MYO3B: variants seen among roughly 807,000 people sequenced by gnomAD.
MYO3B encodes the protein myosin-IIIb.
MYO3B carries 156 observed loss-of-function variants against 174.6 expected under a neutral mutation model. That is an observed-to-expected ratio of 0.89 (90% CI 0.78 to 1.02). The LOEUF (loss-of-function observed/expected upper bound fraction) is 1.02, where lower values mean the gene tolerates loss of function less well. Among genes scored for constraint, MYO3B ranks in the 50% least tolerant of loss-of-function variants. The pLI is 0.00. For missense variants in MYO3B, 1,632 were observed against 1,639.4 expected, an observed-to-expected ratio of 1.00 and a Z score of 0.08; for synonymous variants, 563 against 569.1, an observed-to-expected ratio of 0.99 and a Z score of 0.15.
At chr2:170,274,351 C>T (rs775782953) in intron 7 of MYO3B, among the ~76,000 whole-genome samples, 19 of 152,078 alleles carry the variant, frequency 1.2e-4, no homozygotes, top group Non-Finnish European at 2.5e-4. Context: ...ATGCTTTATC[C>T]CTTTGCATCC....
chr2:170,492,476 C>T (rs16858493), intron 25 of MYO3B, among the ~76,000 whole-genome samples: 9,608 of 152,238 alleles, frequency 0.063, 947 homozygotes, highest in African/African-American at 0.21. Context: ...GTTTTGCCCA[C>T]GTTGTGTTGA....
chr2:170,335,491 C>T (rs535620544), intron 8 of MYO3B, 41 bp downstream of exon 8: 1 of 1,476,438 alleles, frequency 6.8e-7, no homozygotes. Context: ...TCTAGCAAGG[C>T]CTTGAGCAGT....
chr2:170,223,231 A>G (rs1198778144), intron 6 of MYO3B, among the ~76,000 whole-genome samples: 4 of 152,050 alleles, frequency 2.6e-5, no homozygotes, highest in Non-Finnish European at 5.9e-5. Context: ...CTGACCTAAA[A>G]CTTTAGCCTG....
chr2:170,308,369 G>A (rs2093714982), intron 7 of MYO3B, among the ~76,000 whole-genome samples: 1 of 152,182 alleles, frequency 6.6e-6, no homozygotes, highest in Non-Finnish European at 1.5e-5. Flanking sequence ...CCATGTTGCT[G>A]AGTGCGACAC....
chr2:170,628,606 AC>A (rs1344944390), intron 32 of MYO3B, among the ~76,000 whole-genome samples: 3 of 152,064 alleles, frequency 2.0e-5, no homozygotes, highest in African/African-American at 4.8e-5. Flanking sequence ...TGCAGAAATC[AC>A]CCGTCTTCTG....
At chr2:170,407,228 G>A (rs562433143) in intron 21 of MYO3B, among the ~76,000 whole-genome samples, 67 of 152,240 alleles carry the variant, frequency 4.4e-4, no homozygotes, top group African/African-American at 1.5e-3. Flanking sequence ...TTGGGAGGCC[G>A]AGGCGGGTGG....
chr2:170,183,193 G>A (rs1393405969), intron 1 of MYO3B, among the ~76,000 whole-genome samples: 4 of 152,060 alleles, frequency 2.6e-5, no homozygotes, highest in Non-Finnish European at 5.9e-5. Context: ...GGAGGCAGAG[G>A]TTGCAGTGAG....
intron 1 of MYO3B, among the ~76,000 whole-genome samples, chr2:170,193,570 G>A (rs1015558524): frequency 7.2e-5 from 11 of 151,870 alleles, no homozygotes; most frequent in South Asian, 2.1e-4. Flanking sequence ...ACCTCCACTC[G>A]TCCTCTCTTA....
intron 7 of MYO3B, among the ~76,000 whole-genome samples, chr2:170,312,878 T>C (rs2093749268): frequency 6.6e-6 from 1 of 152,226 alleles, no homozygotes; most frequent in South Asian, 2.1e-4. Context: ...TCTTGGTGCC[T>C]TCTATGGAGT....
intron 22 of MYO3B, among the ~76,000 whole-genome samples, chr2:170,418,339 C>G (rs547067491): frequency 6.6e-6 from 1 of 152,182 alleles, no homozygotes; most frequent in Non-Finnish European, 1.5e-5. Context: ...CATAACTAAG[C>G]TGAGTTAAAA....
chr2:170,541,565 A>G (rs953720020), intron 30 of MYO3B, among the ~76,000 whole-genome samples: 7 of 152,236 alleles, frequency 4.6e-5, no homozygotes, highest in Non-Finnish European at 1.0e-4. Flanking sequence ...TTAAATATTT[A>G]AAAGCATTTT....
At chr2:170,461,458 C>T (rs1275563398) in intron 23 of MYO3B, among the ~76,000 whole-genome samples, 1 of 117,648 alleles carries the variant, frequency 8.5e-6, no homozygotes, top group Non-Finnish European at 1.7e-5. Context: ...GGGAGCAAAA[C>T]TCAGTCTCAA....
chr2:170,653,173 C>T lies in MYO3B; in HGVS notation c.*52C>T, dbSNP rs778401089. On this transcript the variant is annotated 3_prime_UTR_variant, in exon 35 of 35. Coordinates refer to ENST00000408978, the MANE Select transcript of MYO3B (RefSeq NM_138995.5). ...CCAGAGTAGGAACATTCATGGTAAT[C>T]GACTGTCTGTCATTGCGTAAGAAAG... 13 of 1,605,878 alleles carry T rather than the reference C, an allele frequency of 8.1e-6. No individual in the cohort carries two copies. Among genetic ancestry groups the T allele is most frequent in the African/African-American group, 1.3e-5 (1 of 74,678 alleles).
Position 170,236,009 on chromosome 2 carries a change from C to G in MYO3B, c.622C>G (p.Gln208Glu). ...CCAATAGGTCATTGCCTGTGAGCAG[C>G]AGTATGACTCTTCCTATGACGCTCG... is the stretch of plus-strand genomic sequence containing the variant. Reference protein sequence around the residue: ...MAPEVIACEQQYDSSYDARCD... With the variant: ...MAPEVIACEQEYDSSYDARCD... Residue 208 changes from glutamine (Q) to glutamate (E), a missense_variant, in exon 7 of 35, where the codon CAG (glutamine) becomes GAG (glutamate). Gln to Glu is a conservative substitution (Grantham distance 29, BLOSUM62 2). Coordinates refer to ENST00000408978, the MANE Select transcript of MYO3B (RefSeq NM_138995.5). 6.2e-7 allele frequency: 1 copy of G among 1,614,038 alleles called. No individual in the cohort carries two copies. Among genetic ancestry groups the G allele is most frequent in the Non-Finnish European group, 8.5e-7 (1 of 1,180,000 alleles).
chr2:170,295,354 ATTTTCTTTATTGTTTCTC>A (rs2093622663), intron 7 of MYO3B, among the ~76,000 whole-genome samples: 1 of 121,564 alleles, frequency 8.2e-6, no homozygotes, highest in African/African-American at 3.0e-5. Context: ...TATTGTATTG[ATTTTCTTTATTGTTTCTC>A]TTTTCCCCCA....
At chr2:170,607,853 T>C (rs1694907901) in intron 32 of MYO3B, among the ~76,000 whole-genome samples, 1 of 152,216 alleles carries the variant, frequency 6.6e-6, no homozygotes, top group Admixed American at 6.5e-5. Context: ...TAGTAGACGC[T>C]CTAGGTAAAG....
chr2:170,236,109 C>T lies in MYO3B; in HGVS notation c.722C>T (p.Pro241Leu), dbSNP rs1250963610. ...GACCCTCCCCTCTTTGACATGCATC[C>T]TGTGAAAACACTCTTTAAGATTCCA... ...DGDPPLFDMH[P>L]VKTLFKIPRN... is the part of the protein sequence containing the mutation. Residue 241 changes from proline to leucine, a missense_variant, in exon 7 of 35, where the codon CCT becomes CTT. Pro to Leu is a moderately conservative substitution (Grantham distance 98). Coordinates refer to ENST00000408978, the MANE Select transcript of MYO3B (RefSeq NM_138995.5). 1.2e-6 allele frequency: 2 copies of T among 1,614,052 alleles called. No individual in the cohort carries two copies. The highest frequency in any genetic ancestry group is 1.7e-6 in the Non-Finnish European group (2 of 1,180,034).
chr2:170,620,040 G>C (rs145054341), intron 32 of MYO3B, among the ~76,000 whole-genome samples: 2 of 152,142 alleles, frequency 1.3e-5, no homozygotes, highest in Admixed American at 6.6e-5. Flanking sequence ...TGAATACCAA[G>C]AAGTGGGGAT....
intron 7 of MYO3B, among the ~76,000 whole-genome samples, chr2:170,246,344 A>T (rs1048075759): frequency 4.6e-5 from 7 of 152,228 alleles, no homozygotes; most frequent in Admixed American, 1.3e-4. Flanking sequence ...TGGTGAAGTT[A>T]TGGGTTGAAC....
Sources: allele counts gnomAD v4.1 joint callset (sites outside exome capture counted in the v4.1 genomes callset), GRCh38; gene constraint gnomAD v4.1.1; transcripts MANE v1.5; gene names NCBI Gene and HGNC (gene_info 2026-07-23, HGNC 2026-07-21).